The following ZNF670 variants were observed in gnomAD, a reference collection of about 807,000 sequenced individuals.
The protein encoded by ZNF670 is zinc finger protein 670.
ZNF670 carries 7 observed loss-of-function variants against 10.9 expected under a neutral mutation model. The observed-to-expected ratio is 0.64, with a 90% CI of 0.36 to 1.20. The LOEUF is 1.20. Ranked by LOEUF, ZNF670 falls within the 50% of genes most tolerant of loss-of-function variation. The pLI is 0.02. For missense variants in ZNF670, 446 were observed against 458.6 expected (o/e 0.97, Z 0.25); for synonymous variants, 136 against 152.7 (o/e 0.89, Z 0.81).
At chr1:247,071,402 A>G (rs1671110765) in intron 1 of ZNF670, among the ~76,000 whole-genome samples, 1 of 152,246 alleles carries the variant, frequency 6.6e-6, no homozygotes, top group Non-Finnish European at 1.5e-5. Context: ...GTTCTCACTT[A>G]TAAGTGGGAG....
rs1166056239 is a variant in ZNF670 at position 247,078,726 on chromosome 1, C to G, written c.-130G>C. ...AGGGGAAGGAGCAGCGGAGACGCAC[C>G]GAGCTCGCCACATTCGCGCTGCCCA... On this transcript the variant is annotated 5_prime_UTR_variant, in exon 1 of 4. Transcript: ENST00000366503. 12 of 1,016,378 alleles carry G rather than the reference C, an allele frequency of 1.2e-5. No homozygotes were observed. The highest frequency in any genetic ancestry group is 1.5e-5 in the South Asian group (1 of 66,884). The allele number at this position is 1,016,378 out of a possible 1,614,324, so 63.0% of individuals were successfully genotyped here.
intron 1 of ZNF670, among the ~76,000 whole-genome samples, chr1:247,068,847 A>AAG (rs1671052054): frequency 6.7e-6 from 1 of 150,266 alleles, no homozygotes; most frequent in Non-Finnish European, 1.5e-5. Context: ...AAAAAAAAAA[A>AAG]AAGAATGAGA....
chr1:247,046,796 T>G (rs932565013), intron 1 of ZNF670, among the ~76,000 whole-genome samples: 3 of 152,152 alleles, frequency 2.0e-5, no homozygotes, highest in Non-Finnish European at 4.4e-5. Flanking sequence ...CTGGAAACGT[T>G]GCAAGCATTT....
At chr1:247,070,604 A>C (rs1369100920) in intron 1 of ZNF670, among the ~76,000 whole-genome samples, 1 of 152,228 alleles carries the variant, frequency 6.6e-6, no homozygotes, top group Non-Finnish European at 1.5e-5. Flanking sequence ...CTCCAAAAGC[A>C]ATCGCAACAA....
intron 1 of ZNF670, among the ~76,000 whole-genome samples, chr1:247,050,644 T>C (rs1249097541): frequency 6.6e-6 from 1 of 151,856 alleles, no homozygotes; most frequent in Non-Finnish European, 1.5e-5. Flanking sequence ...CCCAACTAAT[T>C]TTTGTATTTT....
chr1:247,037,754 C>T lies in ZNF670; in HGVS notation c.865G>A (p.Ala289Thr). ...CTGAGGACTCTGGAACATCTAAAGG[C>T]TTTGCCACATTTTATACATTCATAG... ...KPYECIKCGK[A>T]FRCSRVLRVH... The change falls in exon 4 of 4, where the codon GCC becomes ACC. Residue 289 changes from alanine to threonine, a missense_variant. Transcript: ENST00000366503. The T allele has an allele frequency of 6.2e-7, 1 of 1,613,956 alleles. No individual in the cohort carries two copies. Among genetic ancestry groups the T allele is most frequent in the African/African-American group, 1.3e-5 (1 of 75,060 alleles).
intron 1 of ZNF670, among the ~76,000 whole-genome samples, chr1:247,063,196 C>T (rs992626867): frequency 1.3e-5 from 2 of 152,080 alleles, no homozygotes; most frequent in African/African-American, 4.8e-5. Flanking sequence ...CAAAACAGTA[C>T]CCATTCAAAA....
At chr1:247,076,258 ATTT>A (rs761879742) in intron 1 of ZNF670, among the ~76,000 whole-genome samples, 2 of 141,636 alleles carry the variant, frequency 1.4e-5, no homozygotes, top group African/African-American at 5.2e-5. Context: ...GTGTGCTTGA[ATTT>A]TTTTTTTTTT....
Position 247,078,656 on chromosome 1 carries a change from G to A in ZNF670, c.-60C>T. 6.3e-7 allele frequency: 1 copy of A among 1,599,810 alleles called. No homozygotes were observed. The highest frequency in any genetic ancestry group is 8.5e-7 in the Non-Finnish European group (1 of 1,169,614). ...GACCTTCCGGGACCTGCAGGTCCCAGAGCAACAGAAGCTGCCGCGGGACCA... is the reference window on the plus strand; with the variant it reads ...GACCTTCCGGGACCTGCAGGTCCCAAAGCAACAGAAGCTGCCGCGGGACCA... On this transcript the variant is annotated 5_prime_UTR_variant, in exon 1 of 4. Coordinates refer to ENST00000366503, the MANE Select transcript of ZNF670 (RefSeq NM_033213.5).
At chr1:247,043,722 G>C (rs1372801246) in intron 1 of ZNF670, 1 of 445,816 alleles carries the variant, frequency 2.2e-6, no homozygotes, top group Admixed American at 2.9e-5. Flanking sequence ...ATCATTTACC[G>C]CAGAGCCCTT....
intron 1 of ZNF670, 38 bp downstream of exon 1, chr1:247,078,556 C>CT: frequency 1.2e-6 from 2 of 1,613,250 alleles, no homozygotes; most frequent in South Asian, 1.1e-5. Context: ...TGGCGGTTCC[C>CT]TTTTCCCCTT....
intron 1 of ZNF670, among the ~76,000 whole-genome samples, chr1:247,064,581 G>T (rs1670939084): frequency 6.6e-6 from 1 of 152,158 alleles, no homozygotes; most frequent in African/African-American, 2.4e-5. Context: ...GGGCCTTTCT[G>T]CCTTTTCCTC....
chr1:247,065,843 A>G lies in ZNF670; in HGVS notation c.3+12751T>C, dbSNP rs192043851. On this transcript the variant is annotated intron_variant, in intron 1 of 3. Coordinates refer to ENST00000366503, the MANE Select transcript of ZNF670 (RefSeq NM_033213.5). ...TTATGAAGGGTCAGTTTATCCATAC[A>G]TTCCACTGGCATTTTCTAGCAAATG... is the stretch of plus-strand genomic sequence containing the variant. 2.0e-5 allele frequency among the ~76,000 whole-genome samples: 3 copies of G among 152,358 alleles called. No individual in the cohort carries two copies. The East Asian group carries it at 5.8e-4, about 29-fold the overall frequency.
At chr1:247,054,910 A>T (rs1279780984) in intron 1 of ZNF670, among the ~76,000 whole-genome samples, 1 of 152,194 alleles carries the variant, frequency 6.6e-6, no homozygotes, top group Non-Finnish European at 1.5e-5. Flanking sequence ...ATATAACAAG[A>T]AAGAAAGTAA....
intron 1 of ZNF670, among the ~76,000 whole-genome samples, chr1:247,054,673 G>T (rs555304955): frequency 6.6e-6 from 1 of 152,290 alleles, no homozygotes; most frequent in East Asian, 1.9e-4. Context: ...AGTAAGCCAC[G>T]GGCCTTTGGT....
At chr1:247,038,933 G>C in intron 2 of ZNF670, 63 bp from the exon 3 acceptor site, 4 of 1,367,570 alleles carry the variant, frequency 2.9e-6, no homozygotes, top group Non-Finnish European at 4.1e-6. Flanking sequence ...CTAGATTCAA[G>C]GTTCACTATA....
chr1:247,061,752 T>C (rs1252964217), intron 1 of ZNF670, among the ~76,000 whole-genome samples: 3 of 152,170 alleles, frequency 2.0e-5, no homozygotes, highest in Non-Finnish European at 2.9e-5. Context: ...GACAAATGTC[T>C]GATAATAGCA....
chr1:247,068,472 C>G (rs1161755381), intron 1 of ZNF670, among the ~76,000 whole-genome samples: 1 of 150,438 alleles, frequency 6.6e-6, no homozygotes, highest in Admixed American at 6.6e-5. Flanking sequence ...TCATCTCACC[C>G]CAGTTAAAAT....
chr1:247,035,291 A>G lies in ZNF670; in HGVS notation c.*2158T>C, dbSNP rs765769185. Among the ~76,000 whole-genome samples, 19 of 152,214 alleles carry G rather than the reference A, an allele frequency of 1.2e-4. No individual in the cohort carries two copies. The highest frequency in any genetic ancestry group is 2.4e-4 in the Non-Finnish European group (16 of 68,032). On this transcript the variant is annotated 3_prime_UTR_variant, in exon 4 of 4. Coordinates refer to ENST00000366503, the MANE Select transcript of ZNF670 (RefSeq NM_033213.5). ...TGAGTGTACAGATAAGATTGAGAGA[A>G]GTTATTAGTTACATACATTCATAGA...
Sources: allele counts gnomAD v4.1 joint callset (sites outside exome capture counted in the v4.1 genomes callset), GRCh38; gene constraint gnomAD v4.1.1; transcripts MANE v1.5; gene names NCBI Gene and HGNC (gene_info 2026-07-23, HGNC 2026-07-21).